SNTG1: variants seen among roughly 807,000 people sequenced by gnomAD.
The protein encoded by SNTG1 is gamma-1-syntrophin.
In SNTG1, 39 loss-of-function variants were observed where a neutral mutation model predicts 74.7. The ratio of observed to expected loss-of-function variants is 0.52; its 90% confidence interval spans 0.40 to 0.68. The LOEUF is 0.68. SNTG1 is among the 30% of genes least tolerant of loss of function. The probability of loss-of-function intolerance (pLI) is 0.00; values close to 1 mark genes in which losing one functional copy is unlikely to be tolerated. For synonymous variants in SNTG1, 254 were observed against 217.1 expected (o/e 1.17, Z -1.49); for missense variants, 685 against 609.5 (o/e 1.12, Z -1.30).
chr8:50,564,066 T>A lies in SNTG1; in HGVS notation c.810+10887T>A, dbSNP rs561101839. On this transcript the variant is annotated intron_variant, in intron 12 of 18. Coordinates refer to ENST00000642720, the MANE Select transcript of SNTG1 (RefSeq NM_018967.5). Reference sequence around the variant, plus strand: ...TTCTTTTTCAAAGACACACAATAATTCAACTTTCTCTTCCTCCAGCATACA... The same window carrying A: ...TTCTTTTTCAAAGACACACAATAATACAACTTTCTCTTCCTCCAGCATACA... 2.0e-5 allele frequency among the ~76,000 whole-genome samples: 3 copies of A among 151,964 alleles called. No homozygotes were observed. In the South Asian group the frequency reaches 6.2e-4, roughly 32 times the overall value.
chr8:50,774,376 G>T (rs2095634692), intron 18 of SNTG1, among the ~76,000 whole-genome samples: 1 of 151,800 alleles, frequency 6.6e-6, no homozygotes, highest in Non-Finnish European at 1.5e-5. Flanking sequence ...CTCACAACAT[G>T]CAAAGAGTCG....
chr8:50,689,852 A>C (rs1427835996), intron 15 of SNTG1, among the ~76,000 whole-genome samples: 1 of 152,206 alleles, frequency 6.6e-6, no homozygotes, highest in Non-Finnish European at 1.5e-5. Flanking sequence ...CCTCTGGTAG[A>C]ATACGGCTGT....
chr8:50,175,663 C>G (rs2082972629), intron 2 of SNTG1, among the ~76,000 whole-genome samples: 1 of 152,062 alleles, frequency 6.6e-6, no homozygotes, highest in Non-Finnish European at 1.5e-5. Flanking sequence ...TGACTAAAGC[C>G]CAATAAGAGT....
chr8:50,394,574 T>C (rs1216040468), intron 3 of SNTG1, among the ~76,000 whole-genome samples: 1 of 152,182 alleles, frequency 6.6e-6, no homozygotes, highest in Non-Finnish European at 1.5e-5. Flanking sequence ...TTCACATAAA[T>C]GGTAATAAAT....
Position 50,104,775 on chromosome 8 carries a change from T to C in SNTG1, c.-102-67786T>C, listed in dbSNP as rs190060899. Among the ~76,000 whole-genome samples the C allele has an allele frequency of 1.2e-3, 183 of 152,320 alleles. 1 individual carries two copies. The highest frequency in any genetic ancestry group is 4.2e-3 in the African/African-American group (176 of 41,584). On this transcript the variant is annotated intron_variant, in intron 1 of 18. Coordinates refer to ENST00000642720, the MANE Select transcript of SNTG1 (RefSeq NM_018967.5). ...CTGGTATGTTGTGTCTTTGTTCTTG[T>C]TGGTTTCAAAGAACATCTTTATTTC...
intron 16 of SNTG1, among the ~76,000 whole-genome samples, chr8:50,707,683 T>A (rs1417971858): frequency 6.8e-6 from 1 of 146,064 alleles, no homozygotes; most frequent in Non-Finnish European, 1.5e-5. Flanking sequence ...CAGATAAACT[T>A]CTCTTCCTTT....
Position 50,084,995 on chromosome 8 carries a change from C to A in SNTG1, c.-102-87566C>A, listed in dbSNP as rs201361461. ...TTCTGTTATAGCAGCAGACAAGAAA[C>A]AAAAACAACATGTTTGTAACTACAA... is the stretch of plus-strand genomic sequence containing the variant. On this transcript the variant is annotated intron_variant, in intron 1 of 18. Transcript: ENST00000642720. 3.1e-4 allele frequency among the ~76,000 whole-genome samples: 7 copies of A among 22,470 alleles called. No individual in the cohort carries two copies. In the East Asian group the frequency reaches 0.041, roughly 132 times the overall value. 14.7% of individuals were successfully genotyped at this position (22,470 alleles called of 152,430 possible). A position where few individuals can be genotyped will look rare whatever the true frequency, so the allele number is the denominator to read the frequency against.
At chr8:50,050,850 G>A (rs567582154) in intron 1 of SNTG1, among the ~76,000 whole-genome samples, 5 of 152,100 alleles carry the variant, frequency 3.3e-5, no homozygotes, top group Admixed American at 1.3e-4. Context: ...TTATCCAGGA[G>A]TGTAATATTG....
intron 15 of SNTG1, among the ~76,000 whole-genome samples, chr8:50,664,770 G>A (rs1423819720): frequency 6.6e-6 from 1 of 152,144 alleles, no homozygotes. Context: ...GTAACTGCAT[G>A]ACTTGAAGCC....
intron 4 of SNTG1, among the ~76,000 whole-genome samples, chr8:50,402,778 C>T (rs955347578): frequency 1.3e-5 from 2 of 152,184 alleles, no homozygotes; most frequent in Non-Finnish European, 2.9e-5. Context: ...TCACTGAACT[C>T]AGCGTGAGTG....
At chr8:50,205,248 TA>T (rs1217179951) in intron 2 of SNTG1, among the ~76,000 whole-genome samples, 1 of 152,244 alleles carries the variant, frequency 6.6e-6, no homozygotes, top group Non-Finnish European at 1.5e-5. Context: ...CCTGACTTTT[TA>T]ATGATCACCA....
chr8:50,219,156 C>T (rs1272715254), intron 2 of SNTG1, among the ~76,000 whole-genome samples: 1 of 152,186 alleles, frequency 6.6e-6, no homozygotes, highest in Non-Finnish European at 1.5e-5. Context: ...TTTAATAAAG[C>T]ATTTCCAATG....
rs374353666 is a variant in SNTG1 at position 50,686,863 on chromosome 8, C to T, written c.1039-17737C>T. 1.1e-4 allele frequency among the ~76,000 whole-genome samples: 17 copies of T among 152,116 alleles called. No homozygotes were observed. In the East Asian group the frequency reaches 2.3e-3, roughly 21 times the overall value. On this transcript the variant is annotated intron_variant, in intron 15 of 18. Coordinates refer to ENST00000642720, the MANE Select transcript of SNTG1 (RefSeq NM_018967.5). ...CAAAATAAACATGAAGGGCCGGGCG[C>T]GGTGGCTCACGCCTGTAATCCCAGC...
intron 2 of SNTG1, among the ~76,000 whole-genome samples, chr8:50,315,736 CA>C (rs2090291637): frequency 7.2e-6 from 1 of 138,028 alleles, no homozygotes; most frequent in African/African-American, 3.0e-5. Flanking sequence ...CATTCAAAAC[CA>C]TTGAAAAGAA....
chr8:50,587,828 A>AT (rs1306050802), intron 12 of SNTG1, among the ~76,000 whole-genome samples: 1 of 144,668 alleles, frequency 6.9e-6, no homozygotes, highest in Non-Finnish European at 1.5e-5. Context: ...AAGAAAAAAA[A>AT]ATTTAGCGGC....
intron 15 of SNTG1, among the ~76,000 whole-genome samples, chr8:50,689,514 T>G (rs1375848671): frequency 1.3e-5 from 2 of 152,138 alleles, no homozygotes; most frequent in Non-Finnish European, 2.9e-5. Context: ...ATCATGTGGT[T>G]TTTGTCTTTG....
At chr8:50,327,794 T>C (rs2090811621) in intron 2 of SNTG1, among the ~76,000 whole-genome samples, 1 of 152,110 alleles carries the variant, frequency 6.6e-6, no homozygotes, top group Admixed American at 6.6e-5. Context: ...TATGCTTCCA[T>C]TTACTCTCCA....
chr8:50,155,406 T>C (rs575246742), intron 1 of SNTG1, among the ~76,000 whole-genome samples: 1 of 152,060 alleles, frequency 6.6e-6, no homozygotes, highest in African/African-American at 2.4e-5. Context: ...ATTCAAAAAT[T>C]AGCTAAAAGT....
At chr8:50,558,054 C>T (rs1380873344) in intron 12 of SNTG1, among the ~76,000 whole-genome samples, 1 of 152,218 alleles carries the variant, frequency 6.6e-6, no homozygotes, top group African/African-American at 2.4e-5. Flanking sequence ...AAATCCAAGG[C>T]TCTTCTCAGA....
Sources: allele counts gnomAD v4.1 joint callset (sites outside exome capture counted in the v4.1 genomes callset), GRCh38; gene constraint gnomAD v4.1.1; transcripts MANE v1.5; gene names NCBI Gene and HGNC (gene_info 2026-07-23, HGNC 2026-07-21).